SPOCK1: variants seen among roughly 807,000 people sequenced by gnomAD.
SPOCK1 encodes the protein testican-1.
SPOCK1 carries 23 observed loss-of-function variants against 55.3 expected under a neutral mutation model. The ratio of observed to expected loss-of-function variants is 0.42; its 90% CI spans 0.30 to 0.59. The LOEUF is 0.59. SPOCK1 is among the 20% of genes least tolerant of loss of function. SPOCK1 has a pLI of 0.22. For synonymous variants in SPOCK1, 226 were observed against 221.0 expected, an observed-to-expected ratio of 1.02 and a Z score of -0.20; for missense variants, 499 against 552.5, an observed-to-expected ratio of 0.90 and a Z score of 0.97.
chr5:137,074,303 T>G (rs1752683081), intron 5 of SPOCK1, among the ~76,000 whole-genome samples: 1 of 152,240 alleles, frequency 6.6e-6, no homozygotes. Context: ...GATGTTAATG[T>G]GAACTATATG....
intron 3 of SPOCK1, among the ~76,000 whole-genome samples, chr5:137,173,864 A>G (rs1379537503): frequency 1.3e-5 from 2 of 152,218 alleles, no homozygotes; most frequent in Non-Finnish European, 2.9e-5. Context: ...TCCATGCCTT[A>G]AACAGTTACT....
At chr5:137,305,582 G>A (rs559105604) in intron 2 of SPOCK1, among the ~76,000 whole-genome samples, 34 of 151,866 alleles carry the variant, frequency 2.2e-4, no homozygotes, top group African/African-American at 6.8e-4. Flanking sequence ...GACAGGTTTC[G>A]GGATGGCCAT....
At chr5:137,279,581 G>A (rs922879221) in intron 2 of SPOCK1, among the ~76,000 whole-genome samples, 1 of 152,188 alleles carries the variant, frequency 6.6e-6, no homozygotes. Context: ...ATGAGCCCAG[G>A]TGCAACAACA....
chr5:137,218,677 G>A (rs926517753), intron 3 of SPOCK1, among the ~76,000 whole-genome samples: 4 of 152,146 alleles, frequency 2.6e-5, no homozygotes, highest in African/African-American at 9.7e-5. Context: ...TGAGCCACTG[G>A]TCTCATTCCT....
chr5:137,126,968 TTCA>T (rs1182172568), intron 4 of SPOCK1, among the ~76,000 whole-genome samples: 1 of 152,154 alleles, frequency 6.6e-6, no homozygotes, highest in African/African-American at 2.4e-5. Context: ...GATGAGATTG[TTCA>T]TCAACAGGGA....
At chr5:137,469,110 A>C (rs1018068780) in intron 2 of SPOCK1, among the ~76,000 whole-genome samples, 1 of 152,280 alleles carries the variant, frequency 6.6e-6, no homozygotes, top group African/African-American at 2.4e-5. Flanking sequence ...GGATTCCAGC[A>C]TCAACTAATT....
At chr5:137,308,877 G>A (rs1257595936) in intron 2 of SPOCK1, among the ~76,000 whole-genome samples, 1 of 152,160 alleles carries the variant, frequency 6.6e-6, no homozygotes, top group Non-Finnish European at 1.5e-5. Flanking sequence ...TTATGGTGAA[G>A]AGAACCAGAA....
chr5:137,358,450 G>GA (rs1554077510), intron 2 of SPOCK1, among the ~76,000 whole-genome samples: 1 of 113,712 alleles, frequency 8.8e-6, no homozygotes, highest in Non-Finnish European at 2.0e-5. Context: ...GGGAGGGAGG[G>GA]AGGGAAGGGG....
At chr5:137,284,635 C>T (rs1377662044) in intron 2 of SPOCK1, among the ~76,000 whole-genome samples, 1 of 152,148 alleles carries the variant, frequency 6.6e-6, no homozygotes, top group African/African-American at 2.4e-5. Context: ...AGAGTGACCT[C>T]ATGAAAGGAG....
chr5:137,299,145 T>G (rs1380278294), intron 2 of SPOCK1, among the ~76,000 whole-genome samples: 1 of 152,138 alleles, frequency 6.6e-6, no homozygotes, highest in East Asian at 1.9e-4. Flanking sequence ...TTTACTATTT[T>G]TAGTAACTGA....
At chr5:137,341,909 C>A (rs1250552052) in intron 2 of SPOCK1, among the ~76,000 whole-genome samples, 1 of 152,192 alleles carries the variant, frequency 6.6e-6, no homozygotes, top group African/African-American at 2.4e-5. Context: ...GCCAAATTAC[C>A]TGAGAATGAG....
chr5:137,209,696 C>G (rs1337437144), intron 3 of SPOCK1, among the ~76,000 whole-genome samples: 1 of 152,114 alleles, frequency 6.6e-6, no homozygotes, highest in Non-Finnish European at 1.5e-5. Context: ...AGAACCCAAC[C>G]CTTTCGCCTA....
At chr5:137,331,327 A>G (rs1699325754) in intron 2 of SPOCK1, among the ~76,000 whole-genome samples, 1 of 152,160 alleles carries the variant, frequency 6.6e-6, no homozygotes. Flanking sequence ...GAACCCCTGC[A>G]ACTGGAAGAC....
chr5:137,365,202 C>T (rs753190671), intron 2 of SPOCK1: 1 of 152,312 alleles, frequency 6.6e-6, no homozygotes, highest in South Asian at 2.1e-4. Flanking sequence ...TCCACTAAGA[C>T]CTTCCTGAAA....
intron 3 of SPOCK1, among the ~76,000 whole-genome samples, chr5:137,172,690 C>G (rs1347544078): frequency 6.6e-6 from 1 of 152,166 alleles, no homozygotes; most frequent in African/African-American, 2.4e-5. Flanking sequence ...TAACTACACA[C>G]TCCCAATGTC....
intron 2 of SPOCK1, among the ~76,000 whole-genome samples, chr5:137,404,435 AG>A (rs1752051429): frequency 1.8e-5 from 1 of 56,584 alleles, no homozygotes; most frequent in Non-Finnish European, 4.3e-5. Flanking sequence ...TTTGAGACAG[AG>A]TCTTGCACTG....
intron 2 of SPOCK1, among the ~76,000 whole-genome samples, chr5:137,296,870 C>G (rs138374768): frequency 6.6e-6 from 1 of 152,142 alleles, no homozygotes; most frequent in African/African-American, 2.4e-5. Flanking sequence ...CTTCCTGAGA[C>G]CAGGCTACCC....
At chr5:137,275,126 C>T (rs1339419092) in intron 2 of SPOCK1, among the ~76,000 whole-genome samples, 1 of 152,222 alleles carries the variant, frequency 6.6e-6, no homozygotes, top group Non-Finnish European at 1.5e-5. Flanking sequence ...GGTATGTCTC[C>T]TTGGCACACC....
intron 5 of SPOCK1, among the ~76,000 whole-genome samples, chr5:137,076,297 C>G (rs896201148): frequency 3.3e-5 from 5 of 152,214 alleles, no homozygotes; most frequent in Non-Finnish European, 5.9e-5. Context: ...CAGTGCTTAT[C>G]TGTTTACATA....
Sources: allele counts gnomAD v4.1 joint callset (sites outside exome capture counted in the v4.1 genomes callset), GRCh38; gene constraint gnomAD v4.1.1; transcripts MANE v1.5; gene names NCBI Gene and HGNC (gene_info 2026-07-23, HGNC 2026-07-21).